The following AFDN variants were observed in gnomAD, a reference collection of about 807,000 sequenced individuals.
The protein encoded by AFDN is afadin.
AFDN carries 68 observed loss-of-function variants against 216.6 expected under a neutral mutation model. That is an observed-to-expected ratio of 0.31 (90% confidence interval 0.26 to 0.38). The LOEUF is 0.38. AFDN is among the 10% of genes least tolerant of loss of function. The pLI is 1.00. For synonymous variants in AFDN, 868 were observed against 853.7 expected, an observed-to-expected ratio of 1.02 and a Z score of -0.29; for missense variants, 2,136 against 2,342.0, an observed-to-expected ratio of 0.91 and a Z score of 1.82.
At position 167,898,298 on chromosome 6, in the gene AFDN, T is replaced by G. The variant is rs139738405; in HGVS notation, c.1411T>G (p.Tyr471Asp). 188 of 1,613,996 alleles carry G rather than the reference T, an allele frequency of 1.2e-4. No homozygotes were observed. Among genetic ancestry groups the G allele is most frequent in the Non-Finnish European group, 1.5e-4 (179 of 1,180,038 alleles). Residue 471 changes from tyrosine (Y) to aspartate (D), a missense_variant, in exon 11 of 34, where the codon TAC becomes GAC. By Grantham distance (160) the Tyr-to-Asp change is radical. This residue lies in a region of AFDN where 817 missense variants were observed against 965.7 expected (regional missense o/e 0.85). Transcript: ENST00000683244. ...GCCCAGAAGTATGGACGCAGAAACCTACGTGGAAGGCCAGCGCATCTCAGA... is the reference window on the plus strand; with the variant it reads ...GCCCAGAAGTATGGACGCAGAAACCGACGTGGAAGGCCAGCGCATCTCAGA... Reference protein sequence around the residue: ...VTPRSMDAETYVEGQRISETT... With the variant: ...VTPRSMDAETDVEGQRISETT...
intron 31 of AFDN, chr6:167,964,473 G>A: frequency 9.4e-7 from 1 of 1,065,504 alleles, no homozygotes; most frequent in Non-Finnish European, 1.1e-6. Flanking sequence ...ACAAGAAGAT[G>A]AGAGTCTTTC....
chr6:167,892,432 G>C (rs1787729629), intron 8 of AFDN, among the ~76,000 whole-genome samples: 1 of 152,132 alleles, frequency 6.6e-6, no homozygotes, highest in Admixed American at 6.5e-5. Flanking sequence ...TCTTTTTTGG[G>C]TATTGGGTCT....
At chr6:167,847,814 C>G (rs1243280706) in intron 1 of AFDN, among the ~76,000 whole-genome samples, 1 of 152,192 alleles carries the variant, frequency 6.6e-6, no homozygotes. Flanking sequence ...CAGACATACA[C>G]TTCTAAACCT....
chr6:167,897,062 A>T (rs1788351689), intron 10 of AFDN, 90 bp downstream of exon 10: 3 of 617,872 alleles, frequency 4.9e-6, no homozygotes, highest in Non-Finnish European at 8.3e-6. Context: ...TGAAAGAAGG[A>T]ATTATAATTA....
chr6:167,836,776 A>G (rs1225432234), intron 1 of AFDN, among the ~76,000 whole-genome samples: 3 of 152,232 alleles, frequency 2.0e-5, no homozygotes, highest in Admixed American at 6.5e-5. Flanking sequence ...TTAGTGCATC[A>G]TGCTTATTAG....
At chr6:167,896,814 T>A in intron 9 of AFDN, 64 bp from the exon 10 acceptor site, 4 of 970,786 alleles carry the variant, frequency 4.1e-6, no homozygotes, top group Non-Finnish European at 6.4e-6. Context: ...TTTTGTTTGT[T>A]GGAAATAACA....
intron 10 of AFDN, 140 bp downstream of exon 10, chr6:167,897,112 G>T: frequency 2.2e-6 from 1 of 453,290 alleles, no homozygotes; most frequent in Non-Finnish European, 3.9e-6. Context: ...TCTACTCTGG[G>T]TCACTTTTCT....
chr6:167,863,113 T>C (rs896825034), intron 1 of AFDN, among the ~76,000 whole-genome samples: 3 of 152,180 alleles, frequency 2.0e-5, no homozygotes, highest in Admixed American at 6.5e-5. Flanking sequence ...AAACCTGAAA[T>C]ATGACATGCT....
chr6:167,910,267 A>G (rs1299561096), intron 13 of AFDN, among the ~76,000 whole-genome samples: 1 of 152,234 alleles, frequency 6.6e-6, no homozygotes, highest in African/African-American at 2.4e-5. Flanking sequence ...TATTCAACTG[A>G]AAGAGTAGTT....
At chr6:167,893,625 C>T in intron 8 of AFDN, 1 of 470,262 alleles carries the variant, frequency 2.1e-6, no homozygotes, top group Non-Finnish European at 3.9e-6. Flanking sequence ...CACCTGTTGT[C>T]CTGTGGTTTC....
At chr6:167,855,370 T>A (rs1782780032) in intron 1 of AFDN, among the ~76,000 whole-genome samples, 1 of 152,090 alleles carries the variant, frequency 6.6e-6, no homozygotes, top group South Asian at 2.1e-4. Flanking sequence ...AAAATATTTT[T>A]AAAAATTATA....
chr6:167,948,045 C>A, intron 28 of AFDN, 101 bp downstream of exon 28: 1 of 902,742 alleles, frequency 1.1e-6, no homozygotes, highest in Non-Finnish European at 1.7e-6. Context: ...TCTGAATTAG[C>A]ATTGATTATA....
intron 7 of AFDN, among the ~76,000 whole-genome samples, chr6:167,890,515 T>C (rs1339245308): frequency 6.6e-6 from 1 of 152,244 alleles, no homozygotes; most frequent in South Asian, 2.1e-4. Context: ...GTGAATGTGG[T>C]TTTTATATGT....
At chr6:167,934,506 C>G (rs927047100) in intron 23 of AFDN, among the ~76,000 whole-genome samples, 9 of 152,174 alleles carry the variant, frequency 5.9e-5, no homozygotes, top group Admixed American at 2.6e-4. Context: ...AGTTGAAAAA[C>G]CCAGAGGAGA....
chr6:167,838,290 T>C (rs921314110), intron 1 of AFDN, among the ~76,000 whole-genome samples: 1 of 149,440 alleles, frequency 6.7e-6, no homozygotes, highest in Non-Finnish European at 1.5e-5. Flanking sequence ...GACGCTGCGC[T>C]TGTGGAGATC....
At chr6:167,893,789 C>T in intron 8 of AFDN, 73 bp from the exon 9 acceptor site, 2 of 1,149,210 alleles carry the variant, frequency 1.7e-6, no homozygotes, top group Non-Finnish European at 2.6e-6. Context: ...CTTCCCTATT[C>T]CGCGTGTTCT....
At chr6:167,948,560 A>T in intron 29 of AFDN, 82 bp downstream of exon 29, 1 of 1,305,384 alleles carries the variant, frequency 7.7e-7, no homozygotes. Flanking sequence ...AATATTTTCT[A>T]TAGAACAGCA....
chr6:167,924,075 A>G (rs1037056318), intron 22 of AFDN, among the ~76,000 whole-genome samples: 14 of 152,096 alleles, frequency 9.2e-5, no homozygotes, highest in African/African-American at 3.4e-4. Context: ...AAGATTCCTC[A>G]GGAGATTTCA....
intron 1 of AFDN, among the ~76,000 whole-genome samples, chr6:167,848,103 G>A (rs1781901861): frequency 6.6e-6 from 1 of 152,068 alleles, no homozygotes. Context: ...TGAAACTGTG[G>A]GGGTAGCACT....
Sources: gnomAD v4.1 joint callset for allele counts (sites outside exome capture counted in the v4.1 genomes callset) on GRCh38, gnomAD v4.1.1 for gene constraint, gnomAD v4.1.1 regional missense constraint, MANE v1.5 for transcripts, NCBI Gene and HGNC (gene_info 2026-07-23, HGNC 2026-07-21) for gene names.